The following PREP variants were observed in gnomAD, a reference collection of about 807,000 sequenced individuals.
PREP encodes dJ355L5.1 (prolyl endopeptidase).
PREP carries 29 observed loss-of-function variants against 87.6 expected under a neutral mutation model. The ratio of observed to expected loss-of-function variants is 0.33; its 90% CI spans 0.25 to 0.45. The LOEUF (loss-of-function observed/expected upper bound fraction) is 0.45. Among genes scored for constraint, PREP ranks in the 20% least tolerant of loss-of-function variants. The pLI is 1.00. For missense variants in PREP, 695 were observed against 886.5 expected, an observed-to-expected ratio of 0.78 and a Z score of 2.74; for synonymous variants, 337 against 328.6, an observed-to-expected ratio of 1.03 and a Z score of -0.28.
chr6:105,339,694 T>C (rs921198925), intron 7 of PREP, among the ~76,000 whole-genome samples: 14 of 152,164 alleles, frequency 9.2e-5, no homozygotes, highest in African/African-American at 2.7e-4. Context: ...AGACCTTAAA[T>C]GACCTGATGG....
At chr6:105,350,685 T>C (rs752425979) in intron 7 of PREP, among the ~76,000 whole-genome samples, 5 of 152,214 alleles carry the variant, frequency 3.3e-5, no homozygotes, top group African/African-American at 9.6e-5. Context: ...TCCCGCACCA[T>C]TGATTTTTGA....
At chr6:105,401,781 T>C (rs965173485) in intron 1 of PREP, among the ~76,000 whole-genome samples, 5 of 152,242 alleles carry the variant, frequency 3.3e-5, no homozygotes, top group Admixed American at 2.6e-4. Context: ...TAAAACAGTA[T>C]GTCCTTTACT....
chr6:105,293,660 T>A lies in PREP; in HGVS notation c.1318-4766A>T, dbSNP rs138679128. ...AGCTCAGTAAAATAAAGTATGCCTG[T>A]ACATACAATATACATACGTATAAAT... On this transcript the variant is annotated intron_variant, in intron 10 of 14. Coordinates refer to ENST00000652536, the MANE Select transcript of PREP (RefSeq NM_002726.5). Among the ~76,000 whole-genome samples, 17 of 151,966 alleles carry A rather than the reference T, an allele frequency of 1.1e-4. No individual in the cohort carries two copies. The East Asian group carries it at 2.9e-3, about 26-fold the overall frequency.
chr6:105,387,822 A>G (rs995318569), intron 2 of PREP, among the ~76,000 whole-genome samples: 3 of 152,164 alleles, frequency 2.0e-5, no homozygotes, highest in Non-Finnish European at 4.4e-5. Flanking sequence ...AATCTCTAGC[A>G]GCTCAGAGAT....
intron 2 of PREP, among the ~76,000 whole-genome samples, chr6:105,383,174 C>A (rs1186150069): frequency 2.6e-5 from 4 of 150,980 alleles, no homozygotes; most frequent in African/African-American, 9.8e-5. Context: ...TCAGGAAACA[C>A]GTCCAGAAAT....
intron 6 of PREP, among the ~76,000 whole-genome samples, chr6:105,364,860 G>T (rs113534782): frequency 5.9e-5 from 9 of 152,254 alleles, no homozygotes; most frequent in African/African-American, 1.9e-4. Context: ...CTAAATACTA[G>T]GTTCTATGAC....
rs140854381 is a variant in PREP, at chr6:105,324,898, T to A, written c.1214-1130A>T. Among the ~76,000 whole-genome samples, 58 of 152,326 alleles carry A rather than the reference T, an allele frequency of 3.8e-4. 1 individual carries two copies. The East Asian group carries it at 0.011, about 29-fold the overall frequency. ...TCTCATGATTGCAGACAAACTGTTT[T>A]AAGGTTACCATAACAGGGTATACGA... On this transcript the variant is annotated intron_variant, in intron 9 of 14. Transcript: ENST00000652536.
intron 10 of PREP, chr6:105,302,617 G>T: frequency 2.2e-6 from 1 of 450,574 alleles, no homozygotes; most frequent in East Asian, 5.5e-5. Context: ...AGAATTTCCT[G>T]AGGTTTTCTT....
intron 2 of PREP, among the ~76,000 whole-genome samples, chr6:105,381,146 T>C (rs1433332340): frequency 3.9e-5 from 6 of 152,228 alleles, no homozygotes; most frequent in Non-Finnish European, 8.8e-5. Context: ...TTACTTTAAA[T>C]AGACCATTAA....
intron 10 of PREP, among the ~76,000 whole-genome samples, chr6:105,305,056 G>A (rs970958627): frequency 6.6e-6 from 1 of 152,126 alleles, no homozygotes; most frequent in African/African-American, 2.4e-5. Context: ...AACCCAACAA[G>A]GATATGTGAA....
At chr6:105,376,574 T>A (rs1772693243) in intron 3 of PREP, among the ~76,000 whole-genome samples, 1 of 152,246 alleles carries the variant, frequency 6.6e-6, no homozygotes, top group African/African-American at 2.4e-5. Context: ...TTCTTTTAAA[T>A]GAAGAAGAAA....
At chr6:105,309,260 G>A (rs1465224037) in intron 10 of PREP, among the ~76,000 whole-genome samples, 1 of 152,138 alleles carries the variant, frequency 6.6e-6, no homozygotes, top group Non-Finnish European at 1.5e-5. Context: ...AGTCCCTACT[G>A]TTTTAGTTTT....
intron 4 of PREP, among the ~76,000 whole-genome samples, chr6:105,374,018 T>C (rs1772623839): frequency 1.3e-5 from 2 of 152,222 alleles, no homozygotes; most frequent in Non-Finnish European, 2.9e-5. Flanking sequence ...TTGTAGTCAT[T>C]AGGTAATTTG....
chr6:105,369,147 T>C (rs1772472387), intron 5 of PREP, 123 bp from the exon 6 acceptor site: 3 of 961,574 alleles, frequency 3.1e-6, no homozygotes, highest in Non-Finnish European at 4.6e-6. Flanking sequence ...AAGGTTAACA[T>C]ACAGAAATCA....
chr6:105,288,602 C>G (rs1202252124), intron 11 of PREP, among the ~76,000 whole-genome samples, 156 bp downstream of exon 11: 5 of 152,336 alleles, frequency 3.3e-5, no homozygotes, highest in Admixed American at 2.6e-4. Context: ...GGTGATCCGC[C>G]TGCCTCAGCC....
chr6:105,384,331 A>G (rs1449891393), intron 2 of PREP, among the ~76,000 whole-genome samples: 1 of 152,184 alleles, frequency 6.6e-6, no homozygotes, highest in Non-Finnish European at 1.5e-5. Flanking sequence ...ATGCTTGGTT[A>G]TGCCAGGTAC....
rs372805012 is a variant in PREP at position 105,373,471 on chromosome 6, G to A, written c.493C>T (p.Pro165Ser). Residue 165 changes from proline (P) to serine (S), a missense_variant, in exon 5 of 15, where the codon CCA becomes TCA. Pro to Ser is a moderately conservative substitution (Grantham distance 74). Transcript: ENST00000652536. ...AACTTGACTCTTTCAAGCACATCTG[G>A]AAGCTCTTTGGCACCATCAACTTTC... The part of the protein sequence containing the change: ...FMKVDGAKEL[P>S]DVLERVKFSC... 2 of 1,614,070 alleles carry A rather than the reference G, an allele frequency of 1.2e-6. No homozygotes were observed. The highest frequency in any genetic ancestry group is 1.7e-6 in the Non-Finnish European group (2 of 1,180,044).
chr6:105,399,790 A>T (rs940024537), intron 1 of PREP, among the ~76,000 whole-genome samples: 4 of 152,216 alleles, frequency 2.6e-5, no homozygotes, highest in African/African-American at 9.6e-5. Context: ...CACTTCTAGG[A>T]GCAACAGCAG....
At chr6:105,320,963 C>T (rs761385763) in intron 10 of PREP, among the ~76,000 whole-genome samples, 4 of 152,196 alleles carry the variant, frequency 2.6e-5, no homozygotes, top group East Asian at 1.9e-4. Context: ...ACATCTGTCA[C>T]GCTCTCATTG....
Sources: gnomAD v4.1 joint callset for allele counts (sites outside exome capture counted in the v4.1 genomes callset) on GRCh38, gnomAD v4.1.1 for gene constraint, MANE v1.5 for transcripts, NCBI Gene and HGNC (gene_info 2026-07-23, HGNC 2026-07-21) for gene names.